CNTNAP2: variants seen among roughly 807,000 people sequenced by gnomAD.
CNTNAP2 encodes contactin-associated protein-like 2.
CNTNAP2 carries 98 observed loss-of-function variants against 155.2 expected under a neutral mutation model. That is an observed-to-expected ratio of 0.63 (90% CI 0.54 to 0.75). CNTNAP2 has a LOEUF of 0.75. Ranked by LOEUF, CNTNAP2 falls within the 30% of genes least tolerant of loss-of-function variation. The pLI is 0.00. For synonymous variants in CNTNAP2, 651 were observed against 631.2 expected (o/e 1.03, Z -0.47); for missense variants, 1,727 against 1,688.1 (o/e 1.02, Z -0.40).
At chr7:146,765,472 T>C (rs1268379893) in intron 1 of CNTNAP2, among the ~76,000 whole-genome samples, 1 of 152,200 alleles carries the variant, frequency 6.6e-6, no homozygotes. Flanking sequence ...CACTTTGCCT[T>C]GCTTGCTTTT....
intron 21 of CNTNAP2, among the ~76,000 whole-genome samples, chr7:148,366,626 C>A (rs1283645673): frequency 5.9e-5 from 9 of 152,180 alleles, no homozygotes; most frequent in Admixed American, 4.6e-4. Context: ...GAAATAGAAT[C>A]TTTTGAAGAC....
intron 13 of CNTNAP2, among the ~76,000 whole-genome samples, chr7:147,855,957 G>C (rs1339059631): frequency 6.6e-6 from 1 of 152,122 alleles, no homozygotes; most frequent in African/African-American, 2.4e-5. Context: ...CCACAGAAGT[G>C]AAACTGTGTC....
chr7:147,097,054 C>T (rs763675924), intron 4 of CNTNAP2, among the ~76,000 whole-genome samples: 11 of 152,300 alleles, frequency 7.2e-5, no homozygotes, highest in Non-Finnish European at 1.2e-4. Flanking sequence ...TAATATATTG[C>T]ACCATATGCA....
chr7:147,222,675 G>A (rs1025307756), intron 8 of CNTNAP2, among the ~76,000 whole-genome samples: 2 of 152,124 alleles, frequency 1.3e-5, no homozygotes, highest in Non-Finnish European at 2.9e-5. Flanking sequence ...GCAAAAGGGA[G>A]CACTTTAAAC....
At chr7:147,511,771 T>C (rs1487662437) in intron 11 of CNTNAP2, among the ~76,000 whole-genome samples, 1 of 152,114 alleles carries the variant, frequency 6.6e-6, no homozygotes, top group Non-Finnish European at 1.5e-5. Context: ...CAAACCACTA[T>C]AGTAGCCACC....
intron 1 of CNTNAP2, among the ~76,000 whole-genome samples, chr7:146,469,518 C>CTT (rs544057518): frequency 1.4e-3 from 177 of 129,052 alleles, no homozygotes; most frequent in African/African-American, 4.5e-3. Flanking sequence ...TAATAATTGA[C>CTT]TTTTTTTTTT....
chr7:146,192,944 T>C (rs1366039738), intron 1 of CNTNAP2, among the ~76,000 whole-genome samples: 3 of 151,986 alleles, frequency 2.0e-5, no homozygotes, highest in African/African-American at 7.3e-5. Context: ...ATGGGAGAAA[T>C]TGGCCAAAAG....
At chr7:146,367,098 A>G (rs189366669) in intron 1 of CNTNAP2, among the ~76,000 whole-genome samples, 1 of 152,136 alleles carries the variant, frequency 6.6e-6, no homozygotes, top group African/African-American at 2.4e-5. Context: ...TCTCTGCCAA[A>G]GTTTTCAAGG....
chr7:146,261,012 G>A (rs1328873979), intron 1 of CNTNAP2, among the ~76,000 whole-genome samples: 1 of 152,108 alleles, frequency 6.6e-6, no homozygotes, highest in East Asian at 1.9e-4. Flanking sequence ...GTTTCTCCCA[G>A]GCTGTTCTTG....
At position 147,067,194 on chromosome 7, in the gene CNTNAP2, A is replaced by C. The variant is rs549031073; in HGVS notation, c.550+23140A>C. ...TAATCTCAGCTACTCAGGAGGCTGA[A>C]GCAGGAGAATCACTGGAACTCATGA... is the stretch of plus-strand genomic sequence containing the variant. On this transcript the variant is annotated intron_variant, in intron 4 of 23. Coordinates refer to ENST00000361727, the MANE Select transcript of CNTNAP2 (RefSeq NM_014141.6). Among the ~76,000 whole-genome samples the C allele has an allele frequency of 2.0e-5, 3 of 150,718 alleles. No individual in the cohort carries two copies. In the East Asian group the frequency reaches 6.0e-4, roughly 30 times the overall value.
At chr7:148,055,178 C>T (rs1328202151) in intron 15 of CNTNAP2, among the ~76,000 whole-genome samples, 2 of 152,122 alleles carry the variant, frequency 1.3e-5, no homozygotes, top group African/African-American at 2.4e-5. Flanking sequence ...GCCACCATGC[C>T]CAGCCTATAA....
At chr7:147,187,681 A>G (rs1055139979) in intron 8 of CNTNAP2, among the ~76,000 whole-genome samples, 1 of 152,158 alleles carries the variant, frequency 6.6e-6, no homozygotes, top group Admixed American at 6.5e-5. Context: ...CACACCCCAT[A>G]CCTTAGCATC....
intron 13 of CNTNAP2, among the ~76,000 whole-genome samples, chr7:147,802,299 G>T (rs1430324833): frequency 6.7e-6 from 1 of 148,770 alleles, no homozygotes; most frequent in Non-Finnish European, 1.5e-5. Flanking sequence ...AGACTGGGCA[G>T]CCAGGCAGAG....
chr7:146,725,585 G>A (rs1214965854), intron 1 of CNTNAP2, among the ~76,000 whole-genome samples: 1 of 152,098 alleles, frequency 6.6e-6, no homozygotes, highest in Non-Finnish European at 1.5e-5. Context: ...TATTTCAAAG[G>A]TCACAAGATA....
chr7:147,982,699 T>A (rs1034186702), intron 15 of CNTNAP2, among the ~76,000 whole-genome samples: 1 of 152,040 alleles, frequency 6.6e-6, no homozygotes, highest in African/African-American at 2.4e-5. Flanking sequence ...CAAACCAGGA[T>A]CATAACCTGC....
At chr7:147,081,928 C>T (rs1487603505) in intron 4 of CNTNAP2, 1 of 152,088 alleles carries the variant, frequency 6.6e-6, no homozygotes, top group Non-Finnish European at 1.5e-5. Context: ...TATGCTGGTG[C>T]TCTGAAAAGG....
At chr7:146,360,917 A>G (rs374139230) in intron 1 of CNTNAP2, among the ~76,000 whole-genome samples, 21 of 152,342 alleles carry the variant, frequency 1.4e-4, no homozygotes, top group East Asian at 1.2e-3. Flanking sequence ...CTTAAGTGAT[A>G]CTGAGGTAAC....
At chr7:146,919,194 A>AT (rs953991450) in intron 3 of CNTNAP2, among the ~76,000 whole-genome samples, 4 of 151,792 alleles carry the variant, frequency 2.6e-5, no homozygotes, top group African/African-American at 7.3e-5. Context: ...CAATTCAGAG[A>AT]TTTTGTCTTG....
At chr7:146,926,523 T>A (rs1441171186) in intron 3 of CNTNAP2, among the ~76,000 whole-genome samples, 1 of 152,124 alleles carries the variant, frequency 6.6e-6, no homozygotes, top group Non-Finnish European at 1.5e-5. Flanking sequence ...TTACAGATCC[T>A]CAATAAGTAG....
Sources: allele counts gnomAD v4.1 joint callset (sites outside exome capture counted in the v4.1 genomes callset), GRCh38; gene constraint gnomAD v4.1.1; transcripts MANE v1.5; gene names NCBI Gene and HGNC (gene_info 2026-07-23, HGNC 2026-07-21).